The following ITGAE variants were observed in gnomAD, a reference collection of about 807,000 sequenced individuals.
ITGAE encodes integrin alpha-E.
A neutral mutation model predicts 136.5 loss-of-function variants in ITGAE; 99 were observed. The ratio of observed to expected loss-of-function variants is 0.73; its 90% CI spans 0.62 to 0.86. The LOEUF (loss-of-function observed/expected upper bound fraction) is 0.86, where lower values mean the gene tolerates loss of function less well. ITGAE is among the 40% of genes least tolerant of loss of function. ITGAE has a pLI of 0.00. For synonymous variants in ITGAE, 613 were observed against 591.8 expected, an observed-to-expected ratio of 1.04 and a Z score of -0.52; for missense variants, 1,447 against 1,515.3, an observed-to-expected ratio of 0.95 and a Z score of 0.75.
Position 3,753,827 on chromosome 17 carries a change from CCTT to C in ITGAE, c.1480_1482del (p.Lys494del), listed in dbSNP as rs1567534317. ...GGCAGGAAGCTGGCCTCTCTGCCCT[CCTT>C]CTGGAGCTCAAACACGGCCCCATGA... On this transcript the variant is annotated inframe_deletion, in exon 13 of 31. Coordinates refer to ENST00000263087, the MANE Select transcript of ITGAE (RefSeq NM_002208.5). 1.2e-6 allele frequency: 2 copies of C among 1,614,224 alleles called. No individual in the cohort carries two copies. Among genetic ancestry groups the C allele is most frequent in the South Asian group, 1.1e-5 (1 of 91,090 alleles).
chr17:3,747,816 C>T, intron 17 of ITGAE, 106 bp downstream of exon 17: 3 of 401,836 alleles, frequency 7.5e-6, no homozygotes, highest in Non-Finnish European at 1.3e-5. Context: ...GACCTCAGAC[C>T]AACACCCACC....
Position 3,714,850 on chromosome 17 carries a change from AT to A in ITGAE, c.3536del (p.Asn1179IlefsTer67), listed in dbSNP as rs753530451. 6.3e-7 allele frequency: 1 copy of A among 1,591,898 alleles called. No individual in the cohort carries two copies. Among genetic ancestry groups the A allele is most frequent in the East Asian group, 2.2e-5 (1 of 44,744 alleles). Reference protein sequence around the residue: ...LKSENLLEEEN With the variant: ...LKSENLLEEEX ...CTCTCCCAGTGGATAGCAGGTCCTA[AT>A]TCTCTTCTTCGAGCAGATTCTCTGA... is the stretch of plus-strand genomic sequence containing the variant. On this transcript the variant is annotated frameshift_variant, in exon 31 of 31. Transcript: ENST00000263087. LOFTEE classifies it high-confidence loss of function.
chr17:3,778,127 G>A (rs2052586829), intron 1 of ITGAE, among the ~76,000 whole-genome samples: 1 of 151,736 alleles, frequency 6.6e-6, no homozygotes, highest in Non-Finnish European at 1.5e-5. Context: ...GCTTTATTCG[G>A]AAGAGCCCCA....
chr17:3,790,357 A>G (rs780023500), intron 1 of ITGAE, among the ~76,000 whole-genome samples: 1 of 152,010 alleles, frequency 6.6e-6, no homozygotes, highest in Non-Finnish European at 1.5e-5. Context: ...AAATACAAAA[A>G]TTAGCTGGGC....
At chr17:3,715,936 C>T (rs1387135735) in intron 30 of ITGAE, among the ~76,000 whole-genome samples, 1 of 152,046 alleles carries the variant, frequency 6.6e-6, no homozygotes, top group Non-Finnish European at 1.5e-5. Flanking sequence ...GCGGGAGGAT[C>T]ACAAGGTCAG....
chr17:3,785,893 C>A (rs930567931), intron 1 of ITGAE, among the ~76,000 whole-genome samples: 1 of 151,866 alleles, frequency 6.6e-6, no homozygotes, highest in South Asian at 2.1e-4. Context: ...AGGGGCCAGG[C>A]GAGGTGGCTG....
At chr17:3,724,330 C>G (rs1464863722) in intron 26 of ITGAE, 2 of 1,589,398 alleles carry the variant, frequency 1.3e-6, no homozygotes, top group Non-Finnish European at 1.7e-6. Flanking sequence ...CCCTGCGGCC[C>G]GCTCCGACTT....
At chr17:3,724,351 C>A in intron 26 of ITGAE, 1 of 1,598,944 alleles carries the variant, frequency 6.3e-7, no homozygotes, top group Non-Finnish European at 8.5e-7. Context: ...CCGCCCTTCC[C>A]CAGCCGCGAC....
At chr17:3,734,740 G>A (rs1293885703) in intron 21 of ITGAE, 77 bp downstream of exon 21, 3 of 1,569,036 alleles carry the variant, frequency 1.9e-6, no homozygotes, top group East Asian at 4.5e-5. Flanking sequence ...GCCAGTGAGG[G>A]GGCCACCACA....
At chr17:3,778,302 C>G (rs1190484903) in intron 1 of ITGAE, among the ~76,000 whole-genome samples, 1 of 152,168 alleles carries the variant, frequency 6.6e-6, no homozygotes, top group Non-Finnish European at 1.5e-5. Context: ...GTGGCTCATG[C>G]CTGTAATCCC....
intron 26 of ITGAE, chr17:3,725,245 ACTC>A (rs1452438661): frequency 1.9e-6 from 3 of 1,613,860 alleles, no homozygotes; most frequent in Non-Finnish European, 1.7e-6. Context: ...TCCTCTTGGC[ACTC>A]CTCCTCTATG....
At chr17:3,782,375 T>A (rs1434687774) in intron 1 of ITGAE, among the ~76,000 whole-genome samples, 1 of 140,768 alleles carries the variant, frequency 7.1e-6, no homozygotes, top group African/African-American at 2.7e-5. Context: ...GTGTGTACTT[T>A]TTTTTTTTTG....
intron 2 of ITGAE, 92 bp from the exon 3 acceptor site, chr17:3,764,052 C>T: frequency 2.4e-6 from 2 of 835,494 alleles, no homozygotes; most frequent in Non-Finnish European, 3.9e-6. Flanking sequence ...CAGTTGCCTG[C>T]ACTCACAAGC....
At chr17:3,763,822 A>G (rs987091055) in intron 3 of ITGAE, 47 bp downstream of exon 3, 18 of 1,471,622 alleles carry the variant, frequency 1.2e-5, no homozygotes, top group Non-Finnish European at 1.7e-5. Context: ...GGATTTTGCT[A>G]GAAAGGGGGT....
chr17:3,763,631 C>T lies in ITGAE; in HGVS notation c.247+238G>A, dbSNP rs1025097813. ...CCGGGCACAGGGTGGGCACGCAATA[C>T]GCTGTAGGTATCATTTCTGTTGCTA... is the stretch of plus-strand genomic sequence containing the variant. On this transcript the variant is annotated intron_variant, in intron 3 of 30. Coordinates refer to ENST00000263087, the MANE Select transcript of ITGAE (RefSeq NM_002208.5). 1.5e-4 allele frequency among the ~76,000 whole-genome samples: 23 copies of T among 152,142 alleles called. No homozygotes were observed. In the East Asian group the frequency reaches 2.5e-3, roughly 17 times the overall value.
In ITGAE at chr17:3,776,991, C is replaced by T. The variant is rs1454093498; in HGVS notation, c.155+549G>A. Among the ~76,000 whole-genome samples the T allele has an allele frequency of 1.9e-4, 27 of 145,852 alleles. No homozygotes were observed. In the East Asian group the frequency reaches 3.5e-3, roughly 19 times the overall value. ...TTTTTTTTTTTTTGAGACGGAGTCT[C>T]GCTCTGTCGCCCAGGCTGGAGTGCA... On this transcript the variant is annotated intron_variant, in intron 2 of 30. Transcript: ENST00000263087.
chr17:3,723,950 C>T, intron 26 of ITGAE: 3 of 1,561,368 alleles, frequency 1.9e-6, no homozygotes, highest in Non-Finnish European at 2.6e-6. Context: ...CGGCTTCGCT[C>T]CCGGGACCTG....
chr17:3,728,238 C>G, intron 24 of ITGAE, 70 bp from the exon 25 acceptor site: 2 of 1,209,976 alleles, frequency 1.7e-6, no homozygotes, highest in Admixed American at 3.4e-5. Flanking sequence ...GGGTCTCACT[C>G]TGTTGCCCAG....
chr17:3,731,313 A>C, intron 22 of ITGAE, 130 bp from the exon 23 acceptor site: 7 of 631,932 alleles, frequency 1.1e-5, no homozygotes, highest in East Asian at 2.9e-5. Context: ...TTTTTCTAAC[A>C]CAGCATGTTT....
Sources: gnomAD v4.1 joint callset for allele counts (sites outside exome capture counted in the v4.1 genomes callset) on GRCh38, gnomAD v4.1.1 for gene constraint, MANE v1.5 for transcripts, NCBI Gene and HGNC (gene_info 2026-07-23, HGNC 2026-07-21) for gene names.